Variants in LRRIQ3 observed in about 807,000 individuals in gnomAD.
The protein encoded by LRRIQ3 is leucine rich repeats and IQ motif containing 3.
In LRRIQ3, 75 loss-of-function variants were observed where a neutral mutation model predicts 59.3. That is an observed-to-expected ratio of 1.26 (90% confidence interval 1.05 to 1.53). The LOEUF (loss-of-function observed/expected upper bound fraction) is 1.53, where lower values mean the gene tolerates loss of function less well. Among genes scored for constraint, LRRIQ3 ranks in the 40% most tolerant of loss-of-function variants. LRRIQ3 has a pLI of 0.00. For missense variants in LRRIQ3, 831 were observed against 710.0 expected (o/e 1.17, Z -1.94); for synonymous variants, 250 against 231.3 (o/e 1.08, Z -0.73).
intron 6 of LRRIQ3, among the ~76,000 whole-genome samples, chr1:74,046,855 A>G (rs1312934304): frequency 6.6e-6 from 1 of 152,242 alleles, no homozygotes; most frequent in Non-Finnish European, 1.5e-5. Context: ...GAAAAAGCTC[A>G]TCATCTTTGG....
intron 3 of LRRIQ3, among the ~76,000 whole-genome samples, chr1:74,163,255 T>C (rs933521350): frequency 6.6e-6 from 1 of 151,622 alleles, no homozygotes; most frequent in African/African-American, 2.4e-5. Flanking sequence ...TTTTATTTAT[T>C]CTTTTAATAT....
At chr1:74,093,363 ATT>A (rs1646414358) in intron 5 of LRRIQ3, among the ~76,000 whole-genome samples, 1 of 152,096 alleles carries the variant, frequency 6.6e-6, no homozygotes, top group Non-Finnish European at 1.5e-5. Context: ...AGTGTTTACT[ATT>A]CCTATCAGAC....
At chr1:74,130,425 C>G (rs1247923196) in intron 4 of LRRIQ3, among the ~76,000 whole-genome samples, 1 of 152,092 alleles carries the variant, frequency 6.6e-6, no homozygotes, top group Non-Finnish European at 1.5e-5. Flanking sequence ...TTACTGTGTT[C>G]TCACTCTCTC....
chr1:74,074,223 A>G (rs1646174437), intron 6 of LRRIQ3, among the ~76,000 whole-genome samples: 1 of 152,128 alleles, frequency 6.6e-6, no homozygotes, highest in South Asian at 2.1e-4. Context: ...CTGAATATGT[A>G]TATTTAGAAA....
chr1:74,119,073 T>C (rs1169918006), intron 4 of LRRIQ3, among the ~76,000 whole-genome samples: 1 of 152,176 alleles, frequency 6.6e-6, no homozygotes, highest in Non-Finnish European at 1.5e-5. Context: ...CCTAGCTATG[T>C]TGACACATAA....
chr1:74,084,274 GGT>G, intron 5 of LRRIQ3: 1 of 1,480,144 alleles, frequency 6.8e-7, no homozygotes, highest in Non-Finnish European at 9.2e-7. Flanking sequence ...AAACTCTTGA[GGT>G]GTACCATTAG....
intron 3 of LRRIQ3, among the ~76,000 whole-genome samples, chr1:74,169,701 G>A (rs755108716): frequency 1.3e-4 from 20 of 151,790 alleles, no homozygotes; most frequent in African/African-American, 2.2e-4. Context: ...ACAAGTGCAC[G>A]CCACACCTGG....
chr1:74,110,977 G>A (rs1374936827), intron 4 of LRRIQ3, among the ~76,000 whole-genome samples: 1 of 151,928 alleles, frequency 6.6e-6, no homozygotes, highest in Non-Finnish European at 1.5e-5. Flanking sequence ...TGAAAACAAA[G>A]GGGGAGCAAT....
chr1:74,163,453 T>G lies in LRRIQ3; in HGVS notation c.574-7587A>C, dbSNP rs201942096. ...TAGAACAAAACTGTAACATAGTACA[T>G]AGTAGTTATATAACAAAAGTGAGTA... On this transcript the variant is annotated intron_variant, in intron 3 of 7. Coordinates refer to ENST00000354431, the MANE Select transcript of LRRIQ3 (RefSeq NM_001105659.2). Among the ~76,000 whole-genome samples the G allele has an allele frequency of 3.7e-3, 568 of 151,680 alleles. 1 individual carries two copies. Among genetic ancestry groups the G allele is most frequent in the Non-Finnish European group, 4.1e-3 (279 of 67,628 alleles).
At chr1:74,160,223 C>T (rs1001136392) in intron 3 of LRRIQ3, among the ~76,000 whole-genome samples, 3 of 152,070 alleles carry the variant, frequency 2.0e-5, no homozygotes, top group African/African-American at 7.2e-5. Flanking sequence ...CCTCTAAACT[C>T]CAAGAACACG....
chr1:74,165,313 A>G (rs1648914241), intron 3 of LRRIQ3, among the ~76,000 whole-genome samples: 1 of 151,554 alleles, frequency 6.6e-6, no homozygotes, highest in South Asian at 2.1e-4. Context: ...AGTACTGTGC[A>G]TGTATTGTTA....
chr1:74,168,930 A>G (rs1160838741), intron 3 of LRRIQ3, among the ~76,000 whole-genome samples: 1 of 151,900 alleles, frequency 6.6e-6, no homozygotes, highest in Non-Finnish European at 1.5e-5. Flanking sequence ...TGTGGTAAGA[A>G]CACTTAACAT....
At chr1:74,099,264 A>AAT (rs1646495367) in intron 5 of LRRIQ3, among the ~76,000 whole-genome samples, 1 of 152,188 alleles carries the variant, frequency 6.6e-6, no homozygotes, top group Non-Finnish European at 1.5e-5. Flanking sequence ...ACCATCAGAG[A>AAT]ATACTATAAA....
At chr1:74,169,078 C>T (rs1317123635) in intron 3 of LRRIQ3, among the ~76,000 whole-genome samples, 2 of 152,110 alleles carry the variant, frequency 1.3e-5, no homozygotes, top group Non-Finnish European at 2.9e-5. Context: ...ACACTTCCCA[C>T]GGTGTCCTCC....
chr1:74,109,477 TG>T lies in LRRIQ3; in HGVS notation c.783del (p.Tyr264MetfsTer17). On this transcript the variant is annotated frameshift_variant, in exon 5 of 8. Coordinates refer to ENST00000354431, the MANE Select transcript of LRRIQ3 (RefSeq NM_001105659.2). LOFTEE classifies it high-confidence loss of function. ...TTAAGGAGCTTATCTTCATACCCTT[TG>T]GTTATGTAAATCCATTTTGCTTCAT... is the stretch of plus-strand genomic sequence containing the variant. ...RGYEAKWIYI[T>X]KGYEDKLLKD... 6.4e-7 allele frequency: 1 copy of T among 1,572,316 alleles called. No homozygotes were observed. The highest frequency in any genetic ancestry group is 1.2e-5 in the South Asian group (1 of 81,750).
chr1:74,161,269 A>G (rs553012973), intron 3 of LRRIQ3, among the ~76,000 whole-genome samples: 5 of 151,922 alleles, frequency 3.3e-5, no homozygotes, highest in Admixed American at 6.6e-5. Context: ...ACCTCCAAAT[A>G]CCATCATATT....
chr1:74,180,562 C>T, intron 3 of LRRIQ3: 1 of 605,164 alleles, frequency 1.7e-6, no homozygotes, highest in South Asian at 3.4e-5. Flanking sequence ...CTTTTCTGTC[C>T]CAGTTATCCA....
At chr1:74,080,281 T>A (rs1646259094) in intron 5 of LRRIQ3, among the ~76,000 whole-genome samples, 1 of 151,722 alleles carries the variant, frequency 6.6e-6, no homozygotes, top group Non-Finnish European at 1.5e-5. Context: ...AGTATATTAA[T>A]AAATCTCATC....
chr1:74,125,825 T>G (rs1227111143), intron 4 of LRRIQ3, among the ~76,000 whole-genome samples: 2 of 151,856 alleles, frequency 1.3e-5, no homozygotes, highest in African/African-American at 4.8e-5. Flanking sequence ...GTTTTTGACC[T>G]GTCTTTTTCT....
Sources: gnomAD v4.1 joint callset for allele counts (sites outside exome capture counted in the v4.1 genomes callset) on GRCh38, gnomAD v4.1.1 for gene constraint, MANE v1.5 for transcripts, NCBI Gene and HGNC (gene_info 2026-07-23, HGNC 2026-07-21) for gene names.